RBKS: variants seen among roughly 807,000 people sequenced by gnomAD.
RBKS encodes ribokinase.
In RBKS, 33 loss-of-function variants were observed where a neutral mutation model predicts 33.9. The ratio of observed to expected loss-of-function variants is 0.97; its 90% CI spans 0.74 to 1.30. The LOEUF is 1.30. Ranked by LOEUF, RBKS falls within the 50% of genes most tolerant of loss-of-function variation. The pLI, the probability that RBKS is intolerant of heterozygous loss-of-function variation, is 0.00. For missense variants in RBKS, 361 were observed against 392.6 expected (o/e 0.92, Z 0.68); for synonymous variants, 125 against 143.0 (o/e 0.87, Z 0.90).
chr2:27,845,029 G>T (rs1243592209), intron 4 of RBKS, among the ~76,000 whole-genome samples: 1 of 152,190 alleles, frequency 6.6e-6, no homozygotes, highest in Non-Finnish European at 1.5e-5. Flanking sequence ...ATAAAGTGGG[G>T]ATGGTTCAGC....
chr2:27,827,438 T>C lies in RBKS; in HGVS notation c.795+129A>G. On this transcript the variant is annotated intron_variant, in intron 7 of 7. Transcript: ENST00000302188. ...AAAATACAGTTCCCCTGCCTGGTTG[T>C]TCTTCTCTTTTACCATATCACTTAC... The C allele has an allele frequency of 9.5e-6, 7 of 738,676 alleles. No homozygotes were observed. In the South Asian group the frequency reaches 1.8e-4, roughly 19 times the overall value. The allele number at this position is 738,676 out of a possible 1,614,324, so 45.8% of individuals were successfully genotyped here. A position where few individuals can be genotyped will look rare whatever the true frequency, so the allele number is the denominator to read the frequency against.
At chr2:27,875,906 A>C (rs1176785160) in intron 1 of RBKS, among the ~76,000 whole-genome samples, 3 of 152,340 alleles carry the variant, frequency 2.0e-5, no homozygotes, top group South Asian at 2.1e-4. Flanking sequence ...GCAAAATTGC[A>C]TAAGAGGACA....
rs190128259 is a variant in RBKS at position 27,781,557 on chromosome 2, G to T, written c.*58C>A. Reference sequence around the variant, plus strand: ...ATTTTCTAATAAGCATTAGCCAGGAGCAGCCACCCCCAAGTACATTTTATT... The same window carrying T: ...ATTTTCTAATAAGCATTAGCCAGGATCAGCCACCCCCAAGTACATTTTATT... On this transcript the variant is annotated 3_prime_UTR_variant, in exon 8 of 8. Transcript: ENST00000302188. The T allele has an allele frequency of 7.9e-6, 11 of 1,393,742 alleles. No homozygotes were observed. The highest frequency in any genetic ancestry group is 9.7e-6 in the Non-Finnish European group (10 of 1,030,110). The allele number at this position is 1,393,742 out of a possible 1,614,324, so 86.3% of individuals were successfully genotyped here.
intron 1 of RBKS, among the ~76,000 whole-genome samples, chr2:27,871,539 GTTTA>G (rs138685822): frequency 0.01 from 1,581 of 152,200 alleles, 21 homozygotes; most frequent in African/African-American, 0.036. Flanking sequence ...CTCCAGTGAC[GTTTA>G]TTTTTTACTA....
chr2:27,855,512 T>C (rs757403916), intron 2 of RBKS, among the ~76,000 whole-genome samples: 5 of 152,222 alleles, frequency 3.3e-5, no homozygotes, highest in Non-Finnish European at 5.9e-5. Flanking sequence ...TTCAATGGAA[T>C]GGAGCAGGAA....
chr2:27,878,489 A>AT (rs1464191801), intron 1 of RBKS, among the ~76,000 whole-genome samples: 3 of 152,216 alleles, frequency 2.0e-5, no homozygotes, highest in Admixed American at 6.5e-5. Flanking sequence ...CGCAATAAAC[A>AT]TAAGTGTGCA....
At chr2:27,811,270 G>A (rs957931532) in intron 7 of RBKS, among the ~76,000 whole-genome samples, 2 of 152,148 alleles carry the variant, frequency 1.3e-5, no homozygotes, top group African/African-American at 4.8e-5. Context: ...TATGGACTAT[G>A]CACTCTTCTA....
chr2:27,872,381 A>G (rs1664232548), intron 1 of RBKS, among the ~76,000 whole-genome samples: 1 of 152,224 alleles, frequency 6.6e-6, no homozygotes, highest in Non-Finnish European at 1.5e-5. Context: ...AAGCCAACAA[A>G]AGACTAAAAT....
At chr2:27,786,090 G>A (rs1208296751) in intron 7 of RBKS, among the ~76,000 whole-genome samples, 2 of 152,052 alleles carry the variant, frequency 1.3e-5, no homozygotes, top group Non-Finnish European at 2.9e-5. Flanking sequence ...TCCCATTTGG[G>A]GGAAAAGAAA....
chr2:27,829,578 A>G (rs1678382458), intron 6 of RBKS, among the ~76,000 whole-genome samples: 1 of 151,926 alleles, frequency 6.6e-6, no homozygotes, highest in South Asian at 2.1e-4. Context: ...CATGTTGACC[A>G]GGATGGTCTC....
At chr2:27,870,939 G>A (rs557936209) in intron 1 of RBKS, 2 of 456,268 alleles carry the variant, frequency 4.4e-6, no homozygotes, top group South Asian at 1.6e-5. Context: ...GTCAACATCG[G>A]TAGACTCATC....
intron 5 of RBKS, among the ~76,000 whole-genome samples, chr2:27,841,767 TTTTTC>T (rs1663517991): frequency 9.8e-6 from 1 of 102,058 alleles, no homozygotes; most frequent in South Asian, 3.1e-4. Context: ...CACACTGTTC[TTTTTC>T]TTTTTTCTTT....
At chr2:27,840,368 A>G (rs866648720) in intron 5 of RBKS, among the ~76,000 whole-genome samples, 1,201 of 116,206 alleles carry the variant, frequency 0.01, 3 homozygotes, top group Non-Finnish European at 0.011. Context: ...GCGCGCGCAC[A>G]CACACACACA....
intron 7 of RBKS, 47 bp downstream of exon 7, chr2:27,827,520 T>C: frequency 6.8e-7 from 1 of 1,466,378 alleles, no homozygotes; most frequent in Non-Finnish European, 9.1e-7. Flanking sequence ...AGTTACTAAG[T>C]AACAATTTTC....
intron 7 of RBKS, among the ~76,000 whole-genome samples, chr2:27,796,203 A>G (rs1407697121): frequency 6.6e-6 from 1 of 151,152 alleles, no homozygotes; most frequent in Non-Finnish European, 1.5e-5. Flanking sequence ...CTTCGGTATA[A>G]CTATTTTTAT....
intron 7 of RBKS, among the ~76,000 whole-genome samples, chr2:27,822,159 A>T (rs1278707257): frequency 1.3e-5 from 2 of 152,238 alleles, no homozygotes; most frequent in South Asian, 4.1e-4. Flanking sequence ...GGCAGTACCC[A>T]TGCAAGAACT....
intron 1 of RBKS, chr2:27,889,918 T>G (rs963569009): frequency 3.1e-5 from 8 of 257,168 alleles, no homozygotes; most frequent in Non-Finnish European, 4.4e-5. Flanking sequence ...TGGGCAAAGT[T>G]CCCTGGCTCG....
intron 5 of RBKS, among the ~76,000 whole-genome samples, chr2:27,842,460 T>C (rs1663529481): frequency 6.6e-6 from 1 of 152,204 alleles, no homozygotes; most frequent in Non-Finnish European, 1.5e-5. Context: ...TGAAAGATGA[T>C]AAAGTTTTAC....
chr2:27,889,552 G>A (rs1302486849), intron 1 of RBKS, among the ~76,000 whole-genome samples: 1 of 152,078 alleles, frequency 6.6e-6, no homozygotes, highest in East Asian at 1.9e-4. Context: ...AAAATCAGAA[G>A]GATCTGTCTA....
Sources: allele counts gnomAD v4.1 joint callset (sites outside exome capture counted in the v4.1 genomes callset), GRCh38; gene constraint gnomAD v4.1.1; transcripts MANE v1.5; gene names NCBI Gene and HGNC (gene_info 2026-07-23, HGNC 2026-07-21).